The following PSTPIP2 variants were observed in gnomAD, a reference collection of about 807,000 sequenced individuals.
The protein encoded by PSTPIP2 is proline-serine-threonine phosphatase interacting protein 2.
Under a neutral mutation model 63.3 loss-of-function variants are expected in PSTPIP2, and 33 were observed. The observed-to-expected ratio is 0.52, with a 90% CI of 0.40 to 0.70. PSTPIP2 has a LOEUF of 0.70. Ranked by LOEUF, PSTPIP2 falls within the 30% of genes least tolerant of loss-of-function variation. The pLI, the probability that PSTPIP2 is intolerant of heterozygous loss-of-function variation, is 0.00. For missense variants in PSTPIP2, 312 were observed against 400.7 expected (o/e 0.78, Z 1.89); for synonymous variants, 125 against 132.7 (o/e 0.94, Z 0.40).
chr18:45,995,274 A>T (rs988544276), intron 9 of PSTPIP2, among the ~76,000 whole-genome samples: 6 of 151,742 alleles, frequency 4.0e-5, no homozygotes, highest in African/African-American at 1.5e-4. Flanking sequence ...GCTAATTTTT[A>T]TATTTCTTTG....
intron 1 of PSTPIP2, among the ~76,000 whole-genome samples, chr18:46,049,177 C>T (rs1157206364): frequency 2.0e-5 from 3 of 151,938 alleles, no homozygotes; most frequent in Non-Finnish European, 4.4e-5. Flanking sequence ...TTAAAAACAT[C>T]AAAATTCAGC....
Position 45,997,752 on chromosome 18 carries a change from G to C in PSTPIP2, c.639C>G (p.Cys213Trp). 1.3e-6 allele frequency: 2 copies of C among 1,524,450 alleles called. No homozygotes were observed. Among genetic ancestry groups the C allele is most frequent in the Non-Finnish European group, 1.8e-6 (2 of 1,137,474 alleles). 94.4% of individuals were successfully genotyped at this position (1,524,450 alleles called of 1,614,324 possible). A position where few individuals can be genotyped will look rare whatever the true frequency, so the allele number is the denominator to read the frequency against. Residue 213 changes from cysteine (C) to tryptophan (W), a missense_variant, in exon 9 of 15, where the codon TGC becomes TGG. Transcript: ENST00000409746. ...EEWQSEHIKACEAFEAQECER... is the reference protein window; with the variant it reads ...EEWQSEHIKAWEAFEAQECER... ...AGCAGCTTCCGGTTACGGGTACCTC[G>C]CAGGCCTTGATGTGCTCACTCTGCC...
intron 1 of PSTPIP2, among the ~76,000 whole-genome samples, chr18:46,055,176 C>T (rs907653466): frequency 6.6e-6 from 1 of 152,102 alleles, no homozygotes. Context: ...CTTGACCTTA[C>T]CACATCTCAA....
intron 5 of PSTPIP2, chr18:46,010,835 A>G (rs879296018): frequency 2.4e-5 from 5 of 208,104 alleles, no homozygotes; most frequent in Admixed American, 2.1e-4. Flanking sequence ...CTTGTCCAGG[A>G]TGAGGAGTGT....
intron 5 of PSTPIP2, among the ~76,000 whole-genome samples, chr18:46,006,632 C>G (rs2051731607): frequency 6.6e-6 from 1 of 152,054 alleles, no homozygotes; most frequent in Admixed American, 6.6e-5. Context: ...CCTCGGCCTC[C>G]CAAAGTGCTG....
At chr18:46,039,826 C>T in intron 2 of PSTPIP2, 121 bp downstream of exon 2, 1 of 833,706 alleles carries the variant, frequency 1.2e-6, no homozygotes, top group South Asian at 1.5e-5. Context: ...CATTCCATAA[C>T]CTAGAGCAGA....
At chr18:46,037,129 G>C (rs1908010630) in intron 2 of PSTPIP2, among the ~76,000 whole-genome samples, 1 of 152,100 alleles carries the variant, frequency 6.6e-6, no homozygotes, top group Admixed American at 6.5e-5. Flanking sequence ...TCCCAGAGTT[G>C]TACATGTAAT....
At chr18:46,057,839 A>G (rs1357428358) in intron 1 of PSTPIP2, among the ~76,000 whole-genome samples, 2 of 151,840 alleles carry the variant, frequency 1.3e-5, no homozygotes, top group African/African-American at 4.8e-5. Flanking sequence ...CTACTAAAAA[A>G]TACAAAAAAT....
intron 2 of PSTPIP2, among the ~76,000 whole-genome samples, chr18:46,034,471 T>C (rs1907894876): frequency 6.6e-6 from 1 of 152,226 alleles, no homozygotes; most frequent in African/African-American, 2.4e-5. Flanking sequence ...TATTGTAATC[T>C]TGGGCAAGTC....
At chr18:46,041,228 A>G (rs924851922) in intron 1 of PSTPIP2, among the ~76,000 whole-genome samples, 1 of 151,862 alleles carries the variant, frequency 6.6e-6, no homozygotes, top group African/African-American at 2.4e-5. Flanking sequence ...GGGGAGAAGG[A>G]ATATATATAT....
chr18:46,000,233 T>C (rs976929324), intron 6 of PSTPIP2, among the ~76,000 whole-genome samples: 1 of 152,196 alleles, frequency 6.6e-6, no homozygotes, highest in Middle Eastern at 3.2e-3. Flanking sequence ...ATCCTAAGAA[T>C]GCCTGTACAA....
intron 6 of PSTPIP2, among the ~76,000 whole-genome samples, chr18:46,003,936 T>G (rs1474387520): frequency 6.6e-6 from 1 of 151,882 alleles, no homozygotes; most frequent in Non-Finnish European, 1.5e-5. Context: ...TTTTTTTTTT[T>G]TGTATTTTTA....
chr18:46,010,850 T>G (rs376306726), intron 5 of PSTPIP2: 1 of 215,620 alleles, frequency 4.6e-6, no homozygotes, highest in South Asian at 9.2e-5. Context: ...GAGTGTGGTT[T>G]TGGGAGCCGT....
chr18:46,072,255 G>A lies in PSTPIP2; in HGVS notation c.-67C>T. On this transcript the variant is annotated 5_prime_UTR_variant, in exon 1 of 15. Coordinates refer to ENST00000409746, the MANE Select transcript of PSTPIP2 (RefSeq NM_024430.4). Reference sequence around the variant, plus strand: ...TAGCACAGAGCGGGGAGGCCTGACTGCCACTGCCCGCGGCTCCGCAGACTC... The same window carrying A: ...TAGCACAGAGCGGGGAGGCCTGACTACCACTGCCCGCGGCTCCGCAGACTC... 6.7e-7 allele frequency: 1 copy of A among 1,501,184 alleles called. No individual in the cohort carries two copies. The highest frequency in any genetic ancestry group is 8.9e-7 in the Non-Finnish European group (1 of 1,120,412). 93.0% of individuals were successfully genotyped at this position (1,501,184 alleles called of 1,614,324 possible).
intron 1 of PSTPIP2, among the ~76,000 whole-genome samples, chr18:46,062,289 AG>A (rs1220517432): frequency 6.6e-6 from 1 of 152,066 alleles, no homozygotes; most frequent in Non-Finnish European, 1.5e-5. Flanking sequence ...GTGCCATTTT[AG>A]CACTCTTCAA....
At chr18:46,024,240 C>T (rs372608468) in intron 3 of PSTPIP2, among the ~76,000 whole-genome samples, 19 of 151,956 alleles carry the variant, frequency 1.3e-4, no homozygotes, top group African/African-American at 4.4e-4. Flanking sequence ...TGGGCTCAAA[C>T]CATCCTCCCA....
chr18:46,037,143 TG>T (rs1454124901), intron 2 of PSTPIP2, among the ~76,000 whole-genome samples: 1 of 152,150 alleles, frequency 6.6e-6, no homozygotes, highest in Non-Finnish European at 1.5e-5. Context: ...ATGTAATTTT[TG>T]TTTGTTTGTT....
chr18:45,992,619 A>G (rs2051549628), intron 10 of PSTPIP2, among the ~76,000 whole-genome samples: 1 of 152,032 alleles, frequency 6.6e-6, no homozygotes, highest in African/African-American at 2.4e-5. Context: ...TGACTCTTCC[A>G]AATTTTCTTG....
At chr18:46,013,509 C>T (rs1394347402) in intron 4 of PSTPIP2, among the ~76,000 whole-genome samples, 1 of 151,948 alleles carries the variant, frequency 6.6e-6, no homozygotes, top group Non-Finnish European at 1.5e-5. Context: ...GATAGGACCC[C>T]TTGAAAACCA....
Sources: allele counts gnomAD v4.1 joint callset (sites outside exome capture counted in the v4.1 genomes callset), GRCh38; gene constraint gnomAD v4.1.1; transcripts MANE v1.5; gene names NCBI Gene and HGNC (gene_info 2026-07-23, HGNC 2026-07-21).